TTC13: variants seen among roughly 807,000 people sequenced by gnomAD.
TTC13 encodes tetratricopeptide repeat domain 13, also known as tetratricopeptide repeat protein 13.
Under a neutral mutation model 120.0 loss-of-function variants are expected in TTC13, and 62 were observed. The observed-to-expected ratio is 0.52, with a 90% CI of 0.42 to 0.64. The LOEUF is 0.64. Ranked by LOEUF, TTC13 falls within the 30% of genes least tolerant of loss-of-function variation. The probability of loss-of-function intolerance (pLI) is 0.00; values close to 1 mark genes in which losing one functional copy is unlikely to be tolerated. For missense variants in TTC13, 824 were observed against 1,050.2 expected (o/e 0.78, Z 2.98); for synonymous variants, 384 against 393.5 (o/e 0.98, Z 0.28).
chr1:230,925,434 A>C, intron 13 of TTC13, 83 bp downstream of exon 13: 2 of 1,470,348 alleles, frequency 1.4e-6, no homozygotes. Context: ...ATAAATACTA[A>C]TTTATTAAAA....
intron 1 of TTC13, among the ~76,000 whole-genome samples, chr1:230,962,258 T>TA (rs892302248): frequency 8.6e-5 from 13 of 150,382 alleles, no homozygotes; most frequent in African/African-American, 2.7e-4. Context: ...GCAAAATATA[T>TA]AAATAGCTCT....
At chr1:230,964,906 G>A (rs1229627025) in intron 1 of TTC13, among the ~76,000 whole-genome samples, 1 of 152,132 alleles carries the variant, frequency 6.6e-6, no homozygotes, top group Non-Finnish European at 1.5e-5. Flanking sequence ...AAATGGTGCT[G>A]GGAAAACTGA....
intron 4 of TTC13, among the ~76,000 whole-genome samples, chr1:230,946,579 T>C (rs1359577571): frequency 6.6e-6 from 1 of 152,086 alleles, no homozygotes; most frequent in East Asian, 1.9e-4. Flanking sequence ...ATTGCAAAAA[T>C]TCAACTAAAC....
At chr1:230,921,217 TA>T (rs1203004448) in intron 16 of TTC13, among the ~76,000 whole-genome samples, 10 of 152,184 alleles carry the variant, frequency 6.6e-5, no homozygotes, top group African/African-American at 2.4e-4. Flanking sequence ...CACATAAAGT[TA>T]AAAACACTTC....
intron 17 of TTC13, among the ~76,000 whole-genome samples, chr1:230,918,471 T>G (rs1432234063): frequency 6.6e-6 from 1 of 152,172 alleles, no homozygotes; most frequent in African/African-American, 2.4e-5. Flanking sequence ...GGACACTGTG[T>G]GGACTGAGAT....
At chr1:230,977,819 C>CA (rs1435634631) in intron 1 of TTC13, among the ~76,000 whole-genome samples, 1 of 152,176 alleles carries the variant, frequency 6.6e-6, no homozygotes, top group Non-Finnish European at 1.5e-5. Context: ...GTCCCAGAGG[C>CA]ATCTGCTATG....
chr1:230,952,332 G>A (rs557944292), intron 4 of TTC13, among the ~76,000 whole-genome samples: 1 of 152,162 alleles, frequency 6.6e-6, no homozygotes, highest in African/African-American at 2.4e-5. Context: ...TAAAGGGTAA[G>A]GAGAGAGAAA....
At chr1:230,911,706 C>T (rs922582288) in intron 19 of TTC13, among the ~76,000 whole-genome samples, 157 bp from the exon 20 acceptor site, 3 of 152,166 alleles carry the variant, frequency 2.0e-5, no homozygotes, top group Non-Finnish European at 4.4e-5. Context: ...ATATTCTATA[C>T]CCTTTTGTAT....
chr1:230,925,416 T>C, intron 13 of TTC13, 101 bp downstream of exon 13: 1 of 1,308,774 alleles, frequency 7.6e-7, no homozygotes, highest in Admixed American at 2.0e-5. Flanking sequence ...AGAATTTGAA[T>C]AAGCACAATA....
At chr1:230,947,127 T>C (rs545370336) in intron 4 of TTC13, among the ~76,000 whole-genome samples, 25 of 152,020 alleles carry the variant, frequency 1.6e-4, no homozygotes, top group Non-Finnish European at 3.1e-4. Context: ...AATACATGTT[T>C]CCCTGTAAAA....
At chr1:230,946,344 C>T (rs1890355) in intron 4 of TTC13, among the ~76,000 whole-genome samples, 133,691 of 152,246 alleles carry the variant, frequency 0.88, 58,692 homozygotes, top group East Asian at 0.98. Flanking sequence ...GATTAATCTA[C>T]TGTTCAGTTT....
chr1:230,973,214 T>G (rs11589744), intron 1 of TTC13, among the ~76,000 whole-genome samples: 15,133 of 152,222 alleles, frequency 0.099, 761 homozygotes, highest in Middle Eastern at 0.2. Flanking sequence ...CTCTCATAAG[T>G]TTCCTTCTAT....
In TTC13 at chr1:230,925,575, C is replaced by A; in HGVS notation, c.1530G>T (p.Leu510Phe). The A allele has an allele frequency of 6.2e-7, 1 of 1,614,076 alleles. No homozygotes were observed. Among genetic ancestry groups the A allele is most frequent in the African/African-American group, 1.3e-5 (1 of 75,022 alleles). Residue 510 changes from leucine to phenylalanine, a missense_variant, in exon 13 of 23, where the codon TTG (leucine) becomes TTT (phenylalanine). This residue lies in a region of TTC13 where 430 missense variants were observed against 626.8 expected (regional missense o/e 0.69). Transcript: ENST00000366661. Reference protein sequence around the residue: ...VQELICVADRLGSLMQYETPG... With the variant: ...VQELICVADRFGSLMQYETPG... The stretch of plus-strand genomic sequence containing the variant: ...GTGTTTCATATTGCATCAGGGATCC[C>A]AAACGATCAGCCACACAAATCAGCT...
At chr1:230,956,589 C>T in intron 3 of TTC13, 1 of 390,860 alleles carries the variant, frequency 2.6e-6, no homozygotes, top group Non-Finnish European at 4.9e-6. Context: ...AATCAATGAG[C>T]CATAAAAACA....
rs1313232960 is a variant in TTC13, at chr1:230,927,468, A to G, written c.1457+1469T>C. Among the ~76,000 whole-genome samples the G allele has an allele frequency of 6.6e-5, 10 of 152,144 alleles. No individual in the cohort carries two copies. The South Asian group carries it at 8.3e-4, about 13-fold the overall frequency. On this transcript the variant is annotated intron_variant, in intron 12 of 22. Transcript: ENST00000366661. ...GAGGCCTTAATTTATGAACTAAAGT[A>G]TCTCTTCATGTTTGTCATTCATGTT... is the stretch of plus-strand genomic sequence containing the variant.
chr1:230,907,871 G>A (rs1671089961), intron 22 of TTC13, among the ~76,000 whole-genome samples: 1 of 152,140 alleles, frequency 6.6e-6, no homozygotes, highest in Non-Finnish European at 1.5e-5. Flanking sequence ...TAACTACTGA[G>A]GCATCTATGA....
intron 1 of TTC13, among the ~76,000 whole-genome samples, chr1:230,971,429 G>C (rs1344578071): frequency 6.6e-6 from 1 of 151,602 alleles, no homozygotes; most frequent in Non-Finnish European, 1.5e-5. Flanking sequence ...GTCCCAAGTG[G>C]TAAATTCCTT....
rs747198817 is a variant in TTC13, at chr1:230,931,829, C to T, written c.1032G>A (p.Leu344=). The change falls in exon 10 of 23, where the codon CTG becomes CTA. Residue 344 remains leucine (L), a synonymous_variant. Transcript: ENST00000366661. The part of the protein sequence containing the change: ...EAATESFQKA[L]LLNQNHVQTL... ...TTTGCACATGATTTTGGTTGAGCAA[C>T]AGTGCCTTTTGAAAGCTCTCAGTGG... is the stretch of plus-strand genomic sequence containing the variant. The T allele has an allele frequency of 1.2e-6, 2 of 1,614,062 alleles. No individual in the cohort carries two copies. Among genetic ancestry groups the T allele is most frequent in the Non-Finnish European group, 1.7e-6 (2 of 1,180,042 alleles).
At chr1:230,938,571 G>C (rs1257530312) in intron 8 of TTC13, among the ~76,000 whole-genome samples, 1 of 152,142 alleles carries the variant, frequency 6.6e-6, no homozygotes, top group Non-Finnish European at 1.5e-5. Flanking sequence ...CAGTTCTCAA[G>C]CAATACTAAT....
Sources: gnomAD v4.1 joint callset for allele counts (sites outside exome capture counted in the v4.1 genomes callset) on GRCh38, gnomAD v4.1.1 for gene constraint, gnomAD v4.1.1 regional missense constraint, MANE v1.5 for transcripts, NCBI Gene and HGNC (gene_info 2026-07-23, HGNC 2026-07-21) for gene names.